The following PLCZ1 variants were observed in gnomAD, a reference collection of about 807,000 sequenced individuals.
PLCZ1 encodes phospholipase C zeta 1.
PLCZ1 carries 64 observed loss-of-function variants against 76.8 expected under a neutral mutation model. The ratio of observed to expected loss-of-function variants is 0.83; its 90% confidence interval spans 0.68 to 1.03. The LOEUF is 1.03. Ranked by LOEUF, PLCZ1 falls within the 50% of genes least tolerant of loss-of-function variation. PLCZ1 has a pLI of 0.00. For missense variants in PLCZ1, 751 were observed against 713.7 expected (o/e 1.05, Z -0.60); for synonymous variants, 248 against 230.8 (o/e 1.07, Z -0.68).
chr12:18,700,538 A>AAAAGG (rs1370935394), intron 9 of PLCZ1, among the ~76,000 whole-genome samples: 6 of 135,914 alleles, frequency 4.4e-5, no homozygotes, highest in South Asian at 2.3e-4. Flanking sequence ...AAAAAAAAAT[A>AAAAGG]GTTGCTCTGC....
At chr12:18,693,330 G>A (rs1954426594) in intron 12 of PLCZ1, 14 of 1,545,578 alleles carry the variant, frequency 9.1e-6, no homozygotes, top group Admixed American at 1.7e-5. Flanking sequence ...AGAGACCTAT[G>A]CAGATACTGG....
At chr12:18,734,616 G>A (rs1429975783) in intron 3 of PLCZ1, among the ~76,000 whole-genome samples, 1 of 152,142 alleles carries the variant, frequency 6.6e-6, no homozygotes, top group Admixed American at 6.6e-5. Flanking sequence ...CTCCCAAAGT[G>A]CTGTGATTAC....
chr12:18,708,175 C>T (rs1956853695), intron 6 of PLCZ1, among the ~76,000 whole-genome samples: 1 of 152,154 alleles, frequency 6.6e-6, no homozygotes, highest in African/African-American at 2.4e-5. Flanking sequence ...TTTCTTCTCC[C>T]TCCCCACACC....
the PLCZ1 span, among the ~76,000 whole-genome samples, chr12:18,658,867 G>A: frequency 2.6e-5 from 4 of 152,082 alleles, no homozygotes; most frequent in Non-Finnish European, 5.9e-5. Context: ...TATTTGAATG[G>A]AAAAAATTTG....
intron 4 of PLCZ1, among the ~76,000 whole-genome samples, chr12:18,722,304 C>T (rs1362606436): frequency 1.3e-5 from 2 of 152,046 alleles, no homozygotes; most frequent in Non-Finnish European, 1.5e-5. Flanking sequence ...TCCTCCAACC[C>T]ATCAGGAATT....
intron 3 of PLCZ1, among the ~76,000 whole-genome samples, chr12:18,725,713 T>G (rs1958714338): frequency 6.6e-6 from 1 of 152,136 alleles, no homozygotes; most frequent in African/African-American, 2.4e-5. Flanking sequence ...TCAGGTGCTC[T>G]GAATTAGTTG....
intron 6 of PLCZ1, among the ~76,000 whole-genome samples, chr12:18,709,721 A>G (rs967506942): frequency 3.3e-5 from 5 of 151,790 alleles, no homozygotes; most frequent in African/African-American, 9.7e-5. Context: ...ACCCCAAGGG[A>G]AAAAAAACCC....
At chr12:18,683,460 T>C (rs1952630379) in intron 14 of PLCZ1, 136 bp from the exon 15 acceptor site, 2 of 1,425,658 alleles carry the variant, frequency 1.4e-6, no homozygotes, top group East Asian at 2.5e-5. Context: ...TCCCATCTGG[T>C]ATATTAATCT....
chr12:18,696,060 A>G, intron 11 of PLCZ1, 90 bp downstream of exon 11: 1 of 701,412 alleles, frequency 1.4e-6, no homozygotes, highest in Non-Finnish European at 2.4e-6. Flanking sequence ...TCTTTTACAG[A>G]AAGCCCTTTT....
rs1328257207 is a variant in PLCZ1, at chr12:18,736,151, T to C, written c.135+70A>G. ...TTTCTTCTTAAGAGACTAACCTTTA[T>C]ATGACAATTACTGACATTGGATTAA... On this transcript the variant is annotated intron_variant, in intron 3 of 14. Coordinates refer to ENST00000266505, the MANE Select transcript of PLCZ1 (RefSeq NM_033123.4). The C allele has an allele frequency of 4.5e-6, 7 of 1,540,054 alleles. No homozygotes were observed. The East Asian group carries it at 1.1e-4, about 25-fold the overall frequency.
At chr12:18,660,498 C>G in the PLCZ1 span, among the ~76,000 whole-genome samples, 1 of 152,080 alleles carries the variant, frequency 6.6e-6, no homozygotes, top group Non-Finnish European at 1.5e-5. Context: ...GAGAGCCAGA[C>G]ATTAAAGACT....
chr12:18,705,043 T>A (rs1956431310), intron 7 of PLCZ1, 123 bp downstream of exon 7: 4 of 1,223,534 alleles, frequency 3.3e-6, no homozygotes, highest in Non-Finnish European at 4.8e-6. Context: ...AAAATAAACC[T>A]CTATACGTGA....
chr12:18,676,700 T>C, the PLCZ1 span, among the ~76,000 whole-genome samples: 1 of 152,206 alleles, frequency 6.6e-6, no homozygotes, highest in Non-Finnish European at 1.5e-5. Flanking sequence ...GAATTATTAC[T>C]AACTTGCCTG....
chr12:18,684,152 C>T lies in PLCZ1; in HGVS notation c.1719G>A (p.Leu573=), dbSNP rs1444032727. Residue 573 remains leucine, a synonymous_variant, in exon 14 of 15, where the codon TTG becomes TTA. Coordinates refer to ENST00000266505, the MANE Select transcript of PLCZ1 (RefSeq NM_033123.4). ...TACCTTTGTTCATGCATAGAAGTGG[C>T]AAAGTATATTGCCCAAGAAATTCAT... The part of the protein sequence containing the change: ...AGNEFLGQYT[L]PLLCMNKGYR... 1 of 1,611,814 alleles carries T rather than the reference C, an allele frequency of 6.2e-7. No individual in the cohort carries two copies. Among genetic ancestry groups the T allele is most frequent in the African/African-American group, 1.3e-5 (1 of 74,914 alleles).
the PLCZ1 span, among the ~76,000 whole-genome samples, chr12:18,672,434 A>G: frequency 6.6e-5 from 10 of 152,270 alleles, no homozygotes; most frequent in East Asian, 1.9e-3. Flanking sequence ...TCAAGATAGA[A>G]TCTGGAATTA....
At chr12:18,736,546 T>C in intron 2 of PLCZ1, 5 of 1,244,808 alleles carry the variant, frequency 4.0e-6, no homozygotes, top group African/African-American at 1.5e-5. Flanking sequence ...TGAAAGGGCA[T>C]AGCACAGTAA....
chr12:18,657,685 A>C, the PLCZ1 span, among the ~76,000 whole-genome samples: 1 of 152,202 alleles, frequency 6.6e-6, no homozygotes, highest in Non-Finnish European at 1.5e-5. Context: ...TACTATAATA[A>C]GCAGCAACAA....
chr12:18,651,639 A>G, the PLCZ1 span, among the ~76,000 whole-genome samples: 1 of 152,116 alleles, frequency 6.6e-6, no homozygotes, highest in African/African-American at 2.4e-5. Flanking sequence ...ACCACAGTCT[A>G]GGTACCTAAG....
the PLCZ1 span, among the ~76,000 whole-genome samples, chr12:18,650,704 GTATA>G: frequency 1.9e-3 from 107 of 57,662 alleles, no homozygotes; most frequent in Non-Finnish European, 2.4e-3. Context: ...GTGTGTGTGT[GTATA>G]TATCTATATA....
Sources: allele counts gnomAD v4.1 joint callset (sites outside exome capture counted in the v4.1 genomes callset), GRCh38; gene constraint gnomAD v4.1.1; transcripts MANE v1.5; gene names NCBI Gene and HGNC (gene_info 2026-07-23, HGNC 2026-07-21).